NLGN1: variants seen among roughly 807,000 people sequenced by gnomAD.
The protein encoded by NLGN1 is neuroligin 1.
Under a neutral mutation model 65.5 loss-of-function variants are expected in NLGN1, and 12 were observed. That is an observed-to-expected ratio of 0.18 (90% CI 0.12 to 0.30). The LOEUF (loss-of-function observed/expected upper bound fraction) is 0.30. NLGN1 is among the 10% of genes least tolerant of loss of function. The pLI is 1.00. For synonymous variants in NLGN1, 350 were observed against 359.5 expected (o/e 0.97, Z 0.30); for missense variants, 750 against 1,007.1 (o/e 0.74, Z 3.46).
chr3:174,280,340 T>C lies in NLGN1; in HGVS notation c.1650-141T>C. 1.6e-6 allele frequency: 1 copy of C among 641,660 alleles called. No homozygotes were observed. Among genetic ancestry groups the C allele is most frequent in the Non-Finnish European group, 2.6e-6 (1 of 381,366 alleles). 39.7% of individuals were successfully genotyped at this position (641,660 alleles called of 1,614,324 possible). Reference sequence around the variant, plus strand: ...ATATGCCTGCTAGGAGATTTATATTTCTAAATTGACCCAAATTAATGTTAA... The same window carrying C: ...ATATGCCTGCTAGGAGATTTATATTCCTAAATTGACCCAAATTAATGTTAA... On this transcript the variant is annotated intron_variant, in intron 6 of 6. Transcript: ENST00000457714. The surrounding 1 kb of genome is among the most constrained non-coding windows in gnomAD (Gnocchi z 4.9).
intron 4 of NLGN1, among the ~76,000 whole-genome samples, chr3:173,920,013 T>A (rs1741645133): frequency 2.6e-5 from 4 of 152,004 alleles, no homozygotes; most frequent in Admixed American, 2.6e-4. Flanking sequence ...GTCATAGGAC[T>A]TTAGATTGCA....
chr3:174,081,503 G>T (rs547673946), intron 4 of NLGN1, among the ~76,000 whole-genome samples: 1 of 152,042 alleles, frequency 6.6e-6, no homozygotes, highest in East Asian at 1.9e-4. Flanking sequence ...TTGTTACAAG[G>T]ACACTAATCC....
intron 4 of NLGN1, among the ~76,000 whole-genome samples, chr3:174,150,358 T>C (rs916894654): frequency 6.6e-6 from 1 of 152,126 alleles, no homozygotes; most frequent in Non-Finnish European, 1.5e-5. Flanking sequence ...AACTTCAGCA[T>C]TATTGACATG....
At chr3:173,425,866 A>G (rs1013473601) in intron 1 of NLGN1, among the ~76,000 whole-genome samples, 1 of 152,138 alleles carries the variant, frequency 6.6e-6, no homozygotes, top group African/African-American at 2.4e-5. Flanking sequence ...TAAATCTGTG[A>G]AAAATATCAT....
chr3:174,235,679 T>C (rs1741576014), intron 4 of NLGN1, among the ~76,000 whole-genome samples: 1 of 152,192 alleles, frequency 6.6e-6, no homozygotes, highest in Non-Finnish European at 1.5e-5. Flanking sequence ...ATAGGACATA[T>C]AGTTGCACTT....
intron 2 of NLGN1, among the ~76,000 whole-genome samples, chr3:173,531,705 T>G (rs1736602844): frequency 6.6e-6 from 1 of 152,084 alleles, no homozygotes; most frequent in South Asian, 2.1e-4. Context: ...AACCAATTAT[T>G]TAAACATGTA....
chr3:173,479,740 A>C lies in NLGN1; in HGVS notation c.-321+44662A>C, dbSNP rs529870288. Among the ~76,000 whole-genome samples the C allele has an allele frequency of 9.8e-5, 15 of 152,336 alleles. No homozygotes were observed. The East Asian group carries it at 2.9e-3, about 29-fold the overall frequency. ...ATGGAGATGAGATGGGAAAACAAGA[A>C]AAAACTGACAACAACAGGGAAAAAG... On this transcript the variant is annotated intron_variant, in intron 2 of 6. Transcript: ENST00000457714.
chr3:174,279,432 A>G lies in NLGN1; in HGVS notation c.1431A>G (p.Ser477=). The G allele has an allele frequency of 6.2e-7, 1 of 1,613,352 alleles. No homozygotes were observed. The highest frequency in any genetic ancestry group is 8.5e-7 in the Non-Finnish European group (1 of 1,179,582). The change falls in exon 6 of 7, where the codon TCA becomes TCG. Residue 477 remains serine, a synonymous_variant. Coordinates refer to ENST00000457714, the Ensembl canonical transcript of NLGN1. The surrounding 1 kb of genome is among the most constrained non-coding windows in gnomAD (Gnocchi z 4.7). ...CTGTAGCCACAGCGGATCTTCACTC[A>G]AACTTTGGTTCACCTACGTACTTCT...
At chr3:173,761,382 C>T in intron 3 of NLGN1, among the ~76,000 whole-genome samples, 1 of 151,922 alleles carries the variant, frequency 6.6e-6, no homozygotes, top group African/African-American at 2.4e-5. Flanking sequence ...ATTAGATAAG[C>T]TGCGTTTAGT....
intron 4 of NLGN1, among the ~76,000 whole-genome samples, chr3:173,918,057 T>A (rs1741098243): frequency 6.6e-6 from 1 of 152,182 alleles, no homozygotes; most frequent in African/African-American, 2.4e-5. Context: ...AATAAGATAA[T>A]GTATGTAAGA....
chr3:173,511,658 G>GT (rs987901182), intron 2 of NLGN1, among the ~76,000 whole-genome samples: 4 of 151,900 alleles, frequency 2.6e-5, no homozygotes, highest in Non-Finnish European at 5.9e-5. Flanking sequence ...TTTGTTGTGG[G>GT]TTTTTTCAGT....
At chr3:173,673,320 G>A (rs1485345932) in intron 3 of NLGN1, among the ~76,000 whole-genome samples, 7 of 152,124 alleles carry the variant, frequency 4.6e-5, no homozygotes, top group Admixed American at 3.9e-4. Flanking sequence ...AATATGTAAC[G>A]ATATGGTTAT....
chr3:174,138,713 T>C lies in NLGN1; in HGVS notation c.647-136602T>C, dbSNP rs540971639. On this transcript the variant is annotated intron_variant, in intron 4 of 6. Coordinates refer to ENST00000457714, the Ensembl canonical transcript of NLGN1. Reference sequence around the variant, plus strand: ...CCTCCCAAAGTGCTGGGATTACAGGTGTGAGCCACCACAAACAGCTTCTAC... The same window carrying C: ...CCTCCCAAAGTGCTGGGATTACAGGCGTGAGCCACCACAAACAGCTTCTAC... 2.7e-4 allele frequency among the ~76,000 whole-genome samples: 41 copies of C among 152,232 alleles called. No individual in the cohort carries two copies. In the South Asian group the frequency reaches 5.0e-3, roughly 18 times the overall value.
At chr3:173,675,665 A>G (rs1024632590) in intron 3 of NLGN1, among the ~76,000 whole-genome samples, 3 of 152,018 alleles carry the variant, frequency 2.0e-5, no homozygotes, top group African/African-American at 7.2e-5. Flanking sequence ...TGTGGTTGCT[A>G]GAGGTGTTGG....
At chr3:174,274,871 C>T (rs867666128) in intron 4 of NLGN1, among the ~76,000 whole-genome samples, 2 of 151,832 alleles carry the variant, frequency 1.3e-5, no homozygotes, top group Admixed American at 6.6e-5. Context: ...ACATGTCCAT[C>T]CTGCCATTCT....
At chr3:174,117,327 C>T (rs1476080905) in intron 4 of NLGN1, among the ~76,000 whole-genome samples, 1 of 151,840 alleles carries the variant, frequency 6.6e-6, no homozygotes, top group South Asian at 2.1e-4. Flanking sequence ...AGAAAAATCA[C>T]TGGGATAGGC....
chr3:173,535,550 T>TA (rs968557567), intron 2 of NLGN1, among the ~76,000 whole-genome samples: 2 of 151,856 alleles, frequency 1.3e-5, no homozygotes, highest in African/African-American at 4.9e-5. Flanking sequence ...TAGTAATATG[T>TA]AAAAAAGAGG....
intron 3 of NLGN1, among the ~76,000 whole-genome samples, chr3:173,658,472 AGTCC>A (rs1760418329): frequency 6.6e-6 from 1 of 152,032 alleles, no homozygotes. Flanking sequence ...ATTCTCAGGT[AGTCC>A]TACTTCTAAT....
chr3:174,126,371 G>T (rs113333795), intron 4 of NLGN1, among the ~76,000 whole-genome samples: 3 of 152,148 alleles, frequency 2.0e-5, no homozygotes, highest in African/African-American at 7.2e-5. Flanking sequence ...GACAGACCTG[G>T]GTCATAGTTT....
Sources: allele counts gnomAD v4.1 joint callset (sites outside exome capture counted in the v4.1 genomes callset), GRCh38; gene constraint gnomAD v4.1.1; non-coding constraint Gnocchi (gnomAD v3.1); transcripts MANE v1.5; gene names NCBI Gene and HGNC (gene_info 2026-07-23, HGNC 2026-07-21).